The following RAD51B variants were observed in gnomAD, a reference collection of about 807,000 sequenced individuals.
The protein encoded by RAD51B is RAD51 paralog B, also known as DNA repair protein RAD51 homolog 2.
In RAD51B, 38 loss-of-function variants were observed where a neutral mutation model predicts 42.2. The observed-to-expected ratio is 0.90, with a 90% CI of 0.70 to 1.18. The LOEUF (loss-of-function observed/expected upper bound fraction) is 1.18, where lower values mean the gene tolerates loss of function less well. Ranked by LOEUF, RAD51B falls within the 50% of genes most tolerant of loss-of-function variation. The pLI, the probability that RAD51B is intolerant of heterozygous loss-of-function variation, is 0.00. For synonymous variants in RAD51B, 154 were observed against 145.2 expected (o/e 1.06, Z -0.43); for missense variants, 373 against 400.7 (o/e 0.93, Z 0.59).
intron 7 of RAD51B, among the ~76,000 whole-genome samples, chr14:68,204,814 C>A (rs917323592): frequency 1.3e-5 from 2 of 152,094 alleles, no homozygotes. Flanking sequence ...TTGAAAAACT[C>A]CCAAATAATT....
intron 7 of RAD51B, among the ~76,000 whole-genome samples, chr14:68,093,570 G>A (rs2140525062): frequency 1.3e-5 from 2 of 152,046 alleles, no homozygotes; most frequent in South Asian, 4.2e-4. Flanking sequence ...TTTTTATTGT[G>A]TCTATTTGAT....
At chr14:68,506,829 A>T (rs757369) in intron 10 of RAD51B, among the ~76,000 whole-genome samples, 1 of 151,958 alleles carries the variant, frequency 6.6e-6, no homozygotes, top group Non-Finnish European at 1.5e-5. Context: ...ATGTGTGCAC[A>T]CATGGTAGGC....
chr14:68,196,462 A>G (rs2079376344), intron 7 of RAD51B, among the ~76,000 whole-genome samples: 2 of 151,834 alleles, frequency 1.3e-5, no homozygotes. Context: ...ACTCTTTCCT[A>G]CTTCTCCACA....
At chr14:67,821,604 G>A (rs777624837) in intron 1 of RAD51B, among the ~76,000 whole-genome samples, 1 of 152,042 alleles carries the variant, frequency 6.6e-6, no homozygotes, top group Non-Finnish European at 1.5e-5. Flanking sequence ...ACTACTACAG[G>A]TGTGCGGCAC....
chr14:68,593,012 A>G (rs1399101706), intron 10 of RAD51B, among the ~76,000 whole-genome samples: 3 of 152,226 alleles, frequency 2.0e-5, no homozygotes, highest in African/African-American at 7.2e-5. Context: ...GGAACATACC[A>G]GGTCTCTAGA....
At chr14:68,378,818 A>T (rs1233013663) in intron 8 of RAD51B, among the ~76,000 whole-genome samples, 1 of 152,140 alleles carries the variant, frequency 6.6e-6, no homozygotes, top group Non-Finnish European at 1.5e-5. Flanking sequence ...TTATGTATGC[A>T]TTCTGCTTTC....
chr14:67,829,304 A>G (rs10137614), intron 3 of RAD51B, among the ~76,000 whole-genome samples: 48,773 of 150,676 alleles, frequency 0.32, 8,228 homozygotes, highest in Middle Eastern at 0.44. Context: ...GTGCAGTGGC[A>G]CAATCTTGGC....
At chr14:67,916,763 AAGT>A in intron 7 of RAD51B, among the ~76,000 whole-genome samples, 1 of 152,276 alleles carries the variant, frequency 6.6e-6, no homozygotes, top group Non-Finnish European at 1.5e-5. Context: ...TTCATGTATA[AAGT>A]AGTTATTATT....
At chr14:68,033,061 C>T (rs1054426497) in intron 7 of RAD51B, among the ~76,000 whole-genome samples, 10 of 152,178 alleles carry the variant, frequency 6.6e-5, no homozygotes, top group African/African-American at 2.4e-4. Flanking sequence ...ACCGTATCAT[C>T]ATGGTGCTCA....
intron 7 of RAD51B, among the ~76,000 whole-genome samples, chr14:68,041,442 A>T (rs1454559040): frequency 6.6e-6 from 1 of 152,230 alleles, no homozygotes; most frequent in East Asian, 1.9e-4. Context: ...ATGCTAAGGT[A>T]GAAGATAATA....
At chr14:68,105,318 T>G (rs941038869) in intron 7 of RAD51B, among the ~76,000 whole-genome samples, 4 of 151,984 alleles carry the variant, frequency 2.6e-5, no homozygotes, top group African/African-American at 9.7e-5. Flanking sequence ...TGCTTGAAGC[T>G]CCTAGGTTCT....
chr14:68,410,383 A>T (rs777786323), intron 8 of RAD51B, among the ~76,000 whole-genome samples: 1 of 152,230 alleles, frequency 6.6e-6, no homozygotes, highest in Non-Finnish European at 1.5e-5. Context: ...CGGATGACAC[A>T]TTCAAGGCCT....
At chr14:68,523,215 A>G (rs1472470900) in intron 10 of RAD51B, among the ~76,000 whole-genome samples, 1 of 152,176 alleles carries the variant, frequency 6.6e-6, no homozygotes, top group Non-Finnish European at 1.5e-5. Flanking sequence ...GAAAGCGGAT[A>G]CCAGGCATGA....
At chr14:68,596,804 C>T (rs10136316), downstream of RAD51B, among the ~76,000 whole-genome samples, 57,240 of 152,088 alleles carry the variant, frequency 0.38, 11,107 homozygotes, top group South Asian at 0.58. Context: ...AACAGCACTG[C>T]GAATGTTCCA....
chr14:68,085,820 G>A (rs2076974358), intron 7 of RAD51B, among the ~76,000 whole-genome samples: 1 of 152,200 alleles, frequency 6.6e-6, no homozygotes, highest in Non-Finnish European at 1.5e-5. Flanking sequence ...TGCAGGGCGT[G>A]CCACAGTGGG....
chr14:68,617,538 T>A (rs573065714), intron 10 of RAD51B, among the ~76,000 whole-genome samples: 1 of 152,306 alleles, frequency 6.6e-6, no homozygotes, highest in South Asian at 2.1e-4. Context: ...TCTGGAGCTT[T>A]TTTTACATGG....
At chr14:68,495,596 A>G (rs943564560) in intron 10 of RAD51B, among the ~76,000 whole-genome samples, 3 of 151,766 alleles carry the variant, frequency 2.0e-5, no homozygotes, top group East Asian at 1.9e-4. Flanking sequence ...CGGGCTGCCA[A>G]GCGCGTAGAA....
At chr14:68,046,310 T>G (rs998778588) in intron 7 of RAD51B, among the ~76,000 whole-genome samples, 4 of 152,122 alleles carry the variant, frequency 2.6e-5, no homozygotes, top group African/African-American at 9.7e-5. Context: ...AGAGACAAAG[T>G]CTGACTTTGT....
chr14:68,158,508 G>C (rs976501769), intron 7 of RAD51B, among the ~76,000 whole-genome samples: 4 of 152,288 alleles, frequency 2.6e-5, no homozygotes, highest in South Asian at 2.1e-4. Context: ...GTGGCCTTAT[G>C]TGAATCTACA....
Sources: allele counts gnomAD v4.1 joint callset (sites outside exome capture counted in the v4.1 genomes callset), GRCh38; gene constraint gnomAD v4.1.1; transcripts MANE v1.5; gene names NCBI Gene and HGNC (gene_info 2026-07-23, HGNC 2026-07-21).